CD101: variants seen among roughly 807,000 people sequenced by gnomAD.
CD101 encodes the protein CD101 molecule.
Under a neutral mutation model 98.2 loss-of-function variants are expected in CD101, and 76 were observed. The ratio of observed to expected loss-of-function variants is 0.77; its 90% CI spans 0.64 to 0.94. The LOEUF is 0.94. Ranked by LOEUF, CD101 falls within the 40% of genes least tolerant of loss-of-function variation. The pLI, the probability that CD101 is intolerant of heterozygous loss-of-function variation, is 0.00. For synonymous variants in CD101, 471 were observed against 472.7 expected (o/e 1.00, Z 0.05); for missense variants, 1,145 against 1,218.8 (o/e 0.94, Z 0.90).
In CD101 at chr1:117,022,321, T is replaced by C. The variant is rs1653636111; in HGVS notation, c.2428+338T>C. Among the ~76,000 whole-genome samples the C allele has an allele frequency of 6.6e-6, 1 of 152,212 alleles. No homozygotes were observed. The highest frequency in any genetic ancestry group is 2.1e-4 in the South Asian group (1 of 4,828). On this transcript the variant is annotated intron_variant, in intron 7 of 9. Coordinates refer to ENST00000682167, the MANE Select transcript of CD101 (RefSeq NM_001256106.3). The surrounding 1 kb of genome is among the most constrained non-coding windows in gnomAD (Gnocchi z 4.8). ...CTGTGTCATTCCAGTGGGGCTCTAC[T>C]GTAATTTGGCAGAGAAAGAGTAATA...
chr1:117,017,320 G>C lies in CD101; in HGVS notation c.1459G>C (p.Glu487Gln). The change falls in exon 5 of 10, where the codon GAG (glutamate) becomes CAG (glutamine). Residue 487 changes from glutamate (E) to glutamine (Q), a missense_variant. Coordinates refer to ENST00000682167, the MANE Select transcript of CD101 (RefSeq NM_001256106.3). ...VPSYHGNTRL[E>Q]KMDWATFQLE... The stretch of plus-strand genomic sequence containing the variant: ...CAGTTACCATGGCAACACAAGGCTG[G>C]AGAAAATGGACTGGGCCACCTTCCA... 1.2e-6 allele frequency: 2 copies of C among 1,614,240 alleles called. No homozygotes were observed. Among genetic ancestry groups the C allele is most frequent in the African/African-American group, 2.7e-5 (2 of 75,064 alleles).
chr1:117,009,899 G>C lies in CD101; in HGVS notation c.93G>C (p.Leu31=). The change falls in exon 2 of 10, where the codon CTG becomes CTC. Residue 31 remains leucine, a synonymous_variant. Coordinates refer to ENST00000682167, the MANE Select transcript of CD101 (RefSeq NM_001256106.3). Reference sequence around the variant, plus strand: ...AAGTAACAGTTCAGAAAGGACCACTGTTTAGAGCTGAAGGTTACCCAGTCA... The same window carrying C: ...AAGTAACAGTTCAGAAAGGACCACTCTTTAGAGCTGAAGGTTACCCAGTCA... ...QREVTVQKGP[L]FRAEGYPVSI... The C allele has an allele frequency of 6.2e-7, 1 of 1,613,782 alleles. No homozygotes were observed. Among genetic ancestry groups the C allele is most frequent in the Non-Finnish European group, 8.5e-7 (1 of 1,179,936 alleles).
chr1:117,028,848 G>T (rs1045051402), intron 8 of CD101, among the ~76,000 whole-genome samples: 4 of 152,104 alleles, frequency 2.6e-5, no homozygotes, highest in African/African-American at 9.7e-5. Context: ...GCAAGTTGAG[G>T]GGAGAGTGGG....
rs1654842284 is a variant in CD101, at chr1:117,036,480, G to A, written c.*346G>A. On this transcript the variant is annotated 3_prime_UTR_variant, in exon 10 of 10. Coordinates refer to ENST00000682167, the MANE Select transcript of CD101 (RefSeq NM_001256106.3). This position sits in a 1 kb window ranked among gnomAD's most constrained non-coding sequence, Gnocchi z 5.0. ...CACTTTCCTTCAGAGACACCGCTTT[G>A]GAGAGTATTCCCAGCGCTCTCCTTG... is the stretch of plus-strand genomic sequence containing the variant. 1 of 151,736 alleles carries A rather than the reference G, an allele frequency of 6.6e-6. No homozygotes were observed. Among genetic ancestry groups the A allele is most frequent in the African/African-American group, 2.4e-5 (1 of 41,188 alleles). The allele number at this position is 151,736 out of a possible 1,614,324, so 9.4% of individuals were successfully genotyped here. A position where few individuals can be genotyped will look rare whatever the true frequency, so the allele number is the denominator to read the frequency against.
chr1:117,017,745 T>C (rs1460600030), intron 5 of CD101, among the ~76,000 whole-genome samples: 2 of 152,234 alleles, frequency 1.3e-5, no homozygotes, highest in Non-Finnish European at 1.5e-5. Flanking sequence ...CTGAGCCTCT[T>C]ACCTTCTGGC....
intron 8 of CD101, among the ~76,000 whole-genome samples, chr1:117,031,859 T>A (rs1654484667): frequency 6.6e-6 from 1 of 152,190 alleles, no homozygotes; most frequent in African/African-American, 2.4e-5. Context: ...CAGCTCTCTT[T>A]GAAACACAGT....
In CD101 at chr1:117,006,823, G is replaced by C. The variant is rs757242309; in HGVS notation, c.44-3027G>C. Among the ~76,000 whole-genome samples, 1 of 152,120 alleles carries C rather than the reference G, an allele frequency of 6.6e-6. No homozygotes were observed. Among genetic ancestry groups the C allele is most frequent in the Non-Finnish European group, 1.5e-5 (1 of 68,028 alleles). On this transcript the variant is annotated intron_variant, in intron 1 of 9. Transcript: ENST00000682167. The surrounding 1 kb of genome is among the most constrained non-coding windows in gnomAD (Gnocchi z 4.4). ...ATTGGATTATGAAATCCAGAAGTCA[G>C]AATCTAGCCTAAATTCATCTTCATA...
Position 117,025,615 on chromosome 1 carries a change from G to C in CD101, c.2535G>C (p.Leu845=). Residue 845 remains leucine (L), a synonymous_variant, in exon 8 of 10, where the codon CTG becomes CTC. Transcript: ENST00000682167. ...AGAGTGTAGGCAGCTCAGCCACTCT[G>C]TACTCTGTGATGTGGTACTGGAACA... ...SLESVGSSAT[L]YSVMWYWNRE... is the part of the protein sequence containing the mutation. The C allele has an allele frequency of 2.5e-6, 4 of 1,614,054 alleles. No individual in the cohort carries two copies. Among genetic ancestry groups the C allele is most frequent in the Non-Finnish European group, 3.4e-6 (4 of 1,180,038 alleles).
chr1:117,001,911 C>T, intron 1 of CD101, 51 bp downstream of exon 1: 2 of 1,558,110 alleles, frequency 1.3e-6, no homozygotes, highest in Non-Finnish European at 1.8e-6. Context: ...TTCATCAACT[C>T]AGGGTGCTGA....
At chr1:117,027,737 T>G (rs185208721) in intron 8 of CD101, among the ~76,000 whole-genome samples, 1 of 152,272 alleles carries the variant, frequency 6.6e-6, no homozygotes, top group East Asian at 1.9e-4. Flanking sequence ...TTGAAAAAGT[T>G]TAAGCAGGGG....
chr1:117,017,198 G>C lies in CD101; in HGVS notation c.1337G>C (p.Ser446Thr), dbSNP rs756120682. ...AGGAESPLSVSWWHIPRDQTQ... is the reference protein window; with the variant it reads ...AGGAESPLSVTWWHIPRDQTQ... ...GGAGCTGAAAGTCCCCTGTCTGTGA[G>C]CTGGTGGCACATCCCACGGGACCAG... Residue 446 changes from serine (S) to threonine (T), a missense_variant, in exon 5 of 10, where the codon AGC (serine) becomes ACC (threonine). Transcript: ENST00000682167. 2 of 1,614,230 alleles carry C rather than the reference G, an allele frequency of 1.2e-6. No homozygotes were observed. Among genetic ancestry groups the C allele is most frequent in the Non-Finnish European group, 1.7e-6 (2 of 1,180,044 alleles).
intron 8 of CD101, among the ~76,000 whole-genome samples, chr1:117,030,788 G>GT (rs1400211252): frequency 1.3e-5 from 2 of 152,246 alleles, no homozygotes; most frequent in Admixed American, 6.5e-5. Flanking sequence ...ATGGCTGCAT[G>GT]TTTGGGGTTG....
At position 117,011,862 on chromosome 1, in the gene CD101, A is replaced by G. The variant is rs903039761; in HGVS notation, c.737A>G (p.Gln246Arg). Residue 246 changes from glutamine to arginine, a missense_variant, in exon 3 of 10, where the codon CAG (glutamine) becomes CGG (arginine). By Grantham distance (43) the Gln-to-Arg change is conservative. Coordinates refer to ENST00000682167, the MANE Select transcript of CD101 (RefSeq NM_001256106.3). ...IERLQSSDQG[Q>R]LFCEATEWIQ... ...AGGCTCCAGTCCTCAGATCAGGGTCAGCTGTTCTGTGAGGCAACGGAATGG... is the reference window on the plus strand; with the variant it reads ...AGGCTCCAGTCCTCAGATCAGGGTCGGCTGTTCTGTGAGGCAACGGAATGG... 3.1e-6 allele frequency: 5 copies of G among 1,614,042 alleles called. No individual in the cohort carries two copies. In the African/African-American group the frequency reaches 5.3e-5, roughly 17 times the overall value.
rs1177278765 is a variant in CD101, at chr1:117,013,593, G to C, written c.1029G>C (p.Glu343Asp). 2 of 1,614,198 alleles carry C rather than the reference G, an allele frequency of 1.2e-6. No homozygotes were observed. Among genetic ancestry groups the C allele is most frequent in the East Asian group, 4.5e-5 (2 of 44,888 alleles). ...GVLGLKNDYK[E>D]RASQGELQVS... ...TGGGCCTGAAGAATGACTACAAAGA[G>C]AGAGCAAGTCAAGGAGAGCTCCAGG... Residue 343 changes from glutamate (E) to aspartate (D), a missense_variant, in exon 4 of 10, where the codon GAG becomes GAC. Coordinates refer to ENST00000682167, the MANE Select transcript of CD101 (RefSeq NM_001256106.3).
At chr1:117,015,586 G>A (rs781764910) in intron 4 of CD101, among the ~76,000 whole-genome samples, 9 of 152,112 alleles carry the variant, frequency 5.9e-5, no homozygotes, top group Non-Finnish European at 1.2e-4. Context: ...TCCTTCCTCC[G>A]CAGGGAAGAA....
Position 117,011,948 on chromosome 1 carries a change from C to CT in CD101, c.824dup (p.Arg276GlufsTer16). ...CAAAAAGCAGACCGATCAAACCACT[C>CT]TGAGGATCCAGCCAGCAGGTAATTA... On this transcript the variant is annotated frameshift_variant, in exon 3 of 10. Coordinates refer to ENST00000682167, the MANE Select transcript of CD101 (RefSeq NM_001256106.3). LOFTEE classifies it high-confidence loss of function. 1 of 1,612,162 alleles carries CT rather than the reference C, an allele frequency of 6.2e-7. No homozygotes were observed. Among genetic ancestry groups the CT allele is most frequent in the Middle Eastern group, 1.7e-4 (1 of 6,056 alleles).
intron 4 of CD101, 135 bp from the exon 5 acceptor site, chr1:117,016,955 G>A: frequency 1.2e-6 from 1 of 842,132 alleles, no homozygotes; most frequent in Non-Finnish European, 1.8e-6. Flanking sequence ...TTGCCTGAGG[G>A]TGGTGCAAGA....
At position 117,010,075 on chromosome 1, in the gene CD101, G is replaced by A. The variant is rs372247398; in HGVS notation, c.269G>A (p.Arg90Gln). The A allele has an allele frequency of 2.2e-5, 35 of 1,614,118 alleles. No individual in the cohort carries two copies. Among genetic ancestry groups the A allele is most frequent in the Admixed American group, 3.3e-5 (2 of 60,008 alleles). The change falls in exon 2 of 10, where the codon CGA becomes CAA. Residue 90 changes from arginine to glutamine, a missense_variant. Arg to Gln is a conservative substitution (Grantham distance 43, BLOSUM62 1). Coordinates refer to ENST00000682167, the MANE Select transcript of CD101 (RefSeq NM_001256106.3). This position sits in a 1 kb window ranked among gnomAD's most constrained non-coding sequence, Gnocchi z 5.2. ...TACGCAGTATATACGCAGCGGGTGC[G>A]AAGCGGAGACGTCTACGTGGAGAGG... ...FSYAVYTQRV[R>Q]SGDVYVERVQ...
In CD101 at chr1:117,023,068, T is replaced by G. The variant is rs1429320768; in HGVS notation, c.2428+1085T>G. ...TGAGATTTTGTGCTTAGCCCTGATC[T>G]CCTGAGCTCCAAGCCTTCATACCCA... On this transcript the variant is annotated intron_variant, in intron 7 of 9. Transcript: ENST00000682167. The surrounding 1 kb of genome is among the most constrained non-coding windows in gnomAD (Gnocchi z 4.4). Among the ~76,000 whole-genome samples the G allele has an allele frequency of 6.6e-6, 1 of 152,234 alleles. No individual in the cohort carries two copies. The highest frequency in any genetic ancestry group is 1.5e-5 in the Non-Finnish European group (1 of 68,038).
Sources: gnomAD v4.1 joint callset for allele counts (sites outside exome capture counted in the v4.1 genomes callset) on GRCh38, gnomAD v4.1.1 for gene constraint, Gnocchi (gnomAD v3.1) non-coding constraint, MANE v1.5 for transcripts, NCBI Gene and HGNC (gene_info 2026-07-23, HGNC 2026-07-21) for gene names.